DEAF1: variants seen among roughly 807,000 people sequenced by gnomAD.
DEAF1 encodes DEAF1 transcription factor.
A neutral mutation model predicts 58.9 loss-of-function variants in DEAF1; 53 were observed. That is an observed-to-expected ratio of 0.90 (90% confidence interval 0.72 to 1.13). The LOEUF (loss-of-function observed/expected upper bound fraction) is 1.13. DEAF1 is among the 50% of genes most tolerant of loss of function. The pLI, the probability that DEAF1 is intolerant of heterozygous loss-of-function variation, is 0.00. For synonymous variants in DEAF1, 385 were observed against 340.4 expected (o/e 1.13, Z -1.44); for missense variants, 685 against 791.4 (o/e 0.87, Z 1.61).
At chr11:695,479 C>T, upstream of DEAF1, 1 of 703,910 alleles carries the variant, frequency 1.4e-6, no homozygotes, top group Non-Finnish European at 2.0e-6. Flanking sequence ...GGCAGATTCT[C>T]GCCGGCGGCC....
chr11:680,097 T>TA (rs1475384727), intron 7 of DEAF1: 4 of 494,836 alleles, frequency 8.1e-6, no homozygotes, highest in African/African-American at 1.9e-5. Flanking sequence ...AAAACAAACA[T>TA]AAAATAAAAC....
intron 10 of DEAF1, chr11:665,822 C>G (rs2133333706): frequency 1.3e-5 from 2 of 152,346 alleles, no homozygotes; most frequent in East Asian, 3.9e-4. Context: ...ACCGTGGTAG[C>G]AGGCTGCAGT....
rs991379832 is a variant in DEAF1, at chr11:674,839, A to G, written c.1256-56T>C. ...GAAATTAATACATCTCCTAGCTTCA[A>G]AATGGCCTCCGTTAAAAATTCTCAG... On this transcript the variant is annotated intron_variant, in intron 9 of 11. Coordinates refer to ENST00000382409, the MANE Select transcript of DEAF1 (RefSeq NM_021008.4). 6 of 1,599,456 alleles carry G rather than the reference A, an allele frequency of 3.8e-6. No individual in the cohort carries two copies. In the African/African-American group the frequency reaches 8.0e-5, roughly 21 times the overall value.
At chr11:662,061 C>G (rs1859342903) in intron 10 of DEAF1, among the ~76,000 whole-genome samples, 1 of 152,130 alleles carries the variant, frequency 6.6e-6, no homozygotes, top group African/African-American at 2.4e-5. Context: ...CTTTGAGAGG[C>G]CGAGGTGGGC....
At chr11:706,498 C>G (rs951072077) in intron 1 of DEAF1, 2 of 152,332 alleles carry the variant, frequency 1.3e-5, no homozygotes, top group African/African-American at 4.8e-5. Context: ...CTGCTGCAGC[C>G]CGGCCTGCCC....
intron 8 of DEAF1, among the ~76,000 whole-genome samples, chr11:679,055 G>A (rs1053358455): frequency 6.6e-5 from 10 of 152,288 alleles, no homozygotes; most frequent in African/African-American, 2.4e-4. Flanking sequence ...GCTCACGCCT[G>A]TAATCCCAGC....
intron 5 of DEAF1, among the ~76,000 whole-genome samples, chr11:685,368 G>A (rs1164083569): frequency 6.6e-6 from 1 of 152,144 alleles, no homozygotes; most frequent in Non-Finnish European, 1.5e-5. Context: ...ACAAGCGTAA[G>A]CCACCGTGCC....
intron 11 of DEAF1, among the ~76,000 whole-genome samples, chr11:647,884 G>C (rs10902181): frequency 0.29 from 28,372 of 99,350 alleles, 4,122 homozygotes; most frequent in East Asian, 0.47. Context: ...GCGGTGCTGG[G>C]AGCAGGTGGG....
At chr11:699,011 G>A, upstream of DEAF1, 1 of 1,191,888 alleles carries the variant, frequency 8.4e-7, no homozygotes, top group Non-Finnish European at 1.2e-6. Context: ...TTTGGAGAGG[G>A]GGGTGTTCCT....
chr11:660,458 C>T (rs534849588), intron 10 of DEAF1, among the ~76,000 whole-genome samples: 53 of 152,366 alleles, frequency 3.5e-4, no homozygotes, highest in African/African-American at 1.2e-3. Flanking sequence ...GCTGCCCCGC[C>T]GGCGCCGCCT....
chr11:658,390 C>T (rs1405411998), intron 10 of DEAF1, among the ~76,000 whole-genome samples: 3 of 152,236 alleles, frequency 2.0e-5, no homozygotes, highest in African/African-American at 7.2e-5. Context: ...GAACGCGCCA[C>T]TGCACTCCAG....
At chr11:694,219 AG>A (rs1214916193) in intron 1 of DEAF1, among the ~76,000 whole-genome samples, 2 of 128,768 alleles carry the variant, frequency 1.6e-5, no homozygotes, top group African/African-American at 6.4e-5. Flanking sequence ...CACAAAGAAA[AG>A]GGGGGCAGGG....
In DEAF1 at chr11:679,997, G is replaced by A. The variant is rs565944567; in HGVS notation, c.998-181C>T. Reference sequence around the variant, plus strand: ...CCAGACCTTGGAGAAGACCTCACAGGAGAAAACCAGGATGGCCAGGATGGC... The same window carrying A: ...CCAGACCTTGGAGAAGACCTCACAGAAGAAAACCAGGATGGCCAGGATGGC... On this transcript the variant is annotated intron_variant, in intron 7 of 11. Transcript: ENST00000382409. The A allele has an allele frequency of 9.6e-6, 7 of 728,010 alleles. No homozygotes were observed. In the East Asian group the frequency reaches 2.1e-4, roughly 22 times the overall value. 45.1% of individuals were successfully genotyped at this position (728,010 alleles called of 1,614,324 possible). A position where few individuals can be genotyped will look rare whatever the true frequency, so the allele number is the denominator to read the frequency against.
At chr11:663,203 T>C (rs149020372) in intron 10 of DEAF1, among the ~76,000 whole-genome samples, 2,107 of 152,274 alleles carry the variant, frequency 0.014, 32 homozygotes, top group South Asian at 0.054. Context: ...TCCCAGCACT[T>C]TGGGAGGCCA....
Position 679,257 on chromosome 11 carries a change from A to G in DEAF1, c.1126+431T>C, listed in dbSNP as rs947632641. On this transcript the variant is annotated intron_variant, in intron 8 of 11. Transcript: ENST00000382409. The stretch of plus-strand genomic sequence containing the variant: ...GTGAACCCGGGAGGCGGAGCTTGCA[A>G]TGAGCCGAGATCATGCCACTGCCCT... Among the ~76,000 whole-genome samples the G allele has an allele frequency of 6.6e-5, 10 of 151,628 alleles. No individual in the cohort carries two copies. The East Asian group carries it at 1.9e-3, about 29-fold the overall frequency.
In DEAF1 at chr11:688,569, G is replaced by A. The variant is rs970641870; in HGVS notation, c.388-109C>T. The A allele has an allele frequency of 2.2e-6, 3 of 1,378,156 alleles. No homozygotes were observed. The highest frequency in any genetic ancestry group is 3.4e-5 in the Admixed American group (2 of 58,742). The allele number at this position is 1,378,156 out of a possible 1,614,324, so 85.4% of individuals were successfully genotyped here. On this transcript the variant is annotated intron_variant, in intron 2 of 11. Coordinates refer to ENST00000382409, the MANE Select transcript of DEAF1 (RefSeq NM_021008.4). This position sits in a 1 kb window ranked among gnomAD's most constrained non-coding sequence, Gnocchi z 4.3. ...AGGGCTCTCTGGCTGTTCTCACCAA[G>A]AAGGGACGCTCACCTAGGCACCCCA...
chr11:656,157 A>ACT lies in DEAF1; in HGVS notation c.1504-2108_1504-2107dup, dbSNP rs756972018. Among the ~76,000 whole-genome samples, 20 of 91,786 alleles carry ACT rather than the reference A, an allele frequency of 2.2e-4. 1 individual carries two copies. Among genetic ancestry groups the ACT allele is most frequent in the African/African-American group, 1.1e-3 (15 of 13,920 alleles). 60.2% of individuals were successfully genotyped at this position (91,786 alleles called of 152,430 possible). A position where few individuals can be genotyped will look rare whatever the true frequency, so the allele number is the denominator to read the frequency against. On this transcript the variant is annotated intron_variant, in intron 10 of 11. Coordinates refer to ENST00000382409, the MANE Select transcript of DEAF1 (RefSeq NM_021008.4). Reference sequence around the variant, plus strand: ...CCTGTGCCTCTACTTTAAATGACAAACTTTTTTTTTTTTTTTGAGATGGAG... The same window carrying ACT: ...CCTGTGCCTCTACTTTAAATGACAAACTCTTTTTTTTTTTTTTTGAGATGGAG...
chr11:661,331 G>A (rs567410367), intron 10 of DEAF1, among the ~76,000 whole-genome samples: 77 of 152,092 alleles, frequency 5.1e-4, no homozygotes, highest in African/African-American at 1.7e-3. Context: ...ACATACACAC[G>A]AATGCAGATT....
upstream of DEAF1, chr11:698,956 C>G: frequency 5.0e-6 from 8 of 1,588,756 alleles, no homozygotes; most frequent in Non-Finnish European, 6.0e-6. Context: ...AGAGAGCACT[C>G]GGCCTCACCC....
Sources: gnomAD v4.1 joint callset for allele counts (sites outside exome capture counted in the v4.1 genomes callset) on GRCh38, gnomAD v4.1.1 for gene constraint, Gnocchi (gnomAD v3.1) non-coding constraint, MANE v1.5 for transcripts, NCBI Gene and HGNC (gene_info 2026-07-23, HGNC 2026-07-21) for gene names.